PALM2AKAP2: variants seen among roughly 807,000 people sequenced by gnomAD.
PALM2AKAP2 encodes PALM2-AKAP2 fusion protein.
PALM2AKAP2 carries 37 observed loss-of-function variants against 71.5 expected under a neutral mutation model. The observed-to-expected ratio is 0.52, with a 90% CI of 0.40 to 0.68. The LOEUF is 0.68. PALM2AKAP2 is among the 30% of genes least tolerant of loss of function. The pLI is 0.00. For synonymous variants in PALM2AKAP2, 468 were observed against 478.8 expected, an observed-to-expected ratio of 0.98 and a Z score of 0.29; for missense variants, 1,224 against 1,191.8, an observed-to-expected ratio of 1.03 and a Z score of -0.40.
chr9:109,841,082 A>G (rs1158270873), intron 1 of PALM2AKAP2, among the ~76,000 whole-genome samples: 1 of 152,142 alleles, frequency 6.6e-6, no homozygotes, highest in Non-Finnish European at 1.5e-5. Flanking sequence ...GTTTGTTGTG[A>G]CACTATTCAC....
chr9:110,072,708 C>G (rs1167139436), intron 1 of PALM2AKAP2, among the ~76,000 whole-genome samples: 1 of 152,170 alleles, frequency 6.6e-6, no homozygotes, highest in East Asian at 1.9e-4. Flanking sequence ...GAGCCACAAT[C>G]TGTCCTCATG....
At chr9:109,907,064 C>T (rs891516874) in intron 3 of PALM2AKAP2, among the ~76,000 whole-genome samples, 2 of 152,174 alleles carry the variant, frequency 1.3e-5, no homozygotes, top group African/African-American at 4.8e-5. Context: ...GTCTGAACAC[C>T]TCTATGCCTT....
intron 1 of PALM2AKAP2, among the ~76,000 whole-genome samples, chr9:109,815,996 G>A (rs1827842079): frequency 6.6e-6 from 1 of 152,152 alleles, no homozygotes; most frequent in Non-Finnish European, 1.5e-5. Flanking sequence ...GCCTTTTTAT[G>A]TACAAACAAA....
At chr9:109,894,324 G>A (rs1456053215) in intron 3 of PALM2AKAP2, among the ~76,000 whole-genome samples, 2 of 152,210 alleles carry the variant, frequency 1.3e-5, no homozygotes, top group Non-Finnish European at 2.9e-5. Context: ...GGGCAACAGA[G>A]CGAGACTCCA....
intron 3 of PALM2AKAP2, among the ~76,000 whole-genome samples, chr9:110,168,063 G>A (rs1836778812): frequency 6.6e-6 from 1 of 152,218 alleles, no homozygotes; most frequent in South Asian, 2.1e-4. Context: ...CAATTGGACA[G>A]CACTGATCTG....
chr9:110,092,549 T>C (rs1357082934), intron 1 of PALM2AKAP2, among the ~76,000 whole-genome samples: 4 of 152,210 alleles, frequency 2.6e-5, no homozygotes, highest in Non-Finnish European at 4.4e-5. Flanking sequence ...TTTTGCACTT[T>C]AGATTTTTTT....
At chr9:110,011,326 A>G (rs1430788693) in intron 6 of PALM2AKAP2, among the ~76,000 whole-genome samples, 1 of 151,888 alleles carries the variant, frequency 6.6e-6, no homozygotes, top group East Asian at 1.9e-4. Context: ...GTGTTTTTAT[A>G]ACTAATAATA....
rs867689443 is a variant in PALM2AKAP2 at position 110,006,577 on chromosome 9, G to A, written c.497-9377G>A. ...GGGGTCTCGCCATGTTGCCCAGGCT[G>A]GTCTTGAATTCCTGGGCTCAAGTAA... is the stretch of plus-strand genomic sequence containing the variant. On this transcript the variant is annotated intron_variant, in intron 6 of 9. Transcript: ENST00000302798. Among the ~76,000 whole-genome samples, 5 of 151,846 alleles carry A rather than the reference G, an allele frequency of 3.3e-5. No homozygotes were observed. In the Middle Eastern group the frequency reaches 0.014, roughly 413 times the overall value.
intron 1 of PALM2AKAP2, among the ~76,000 whole-genome samples, chr9:110,119,129 G>A (rs1297977772): frequency 6.6e-6 from 1 of 152,036 alleles, no homozygotes; most frequent in Non-Finnish European, 1.5e-5. Context: ...CAAATCATGA[G>A]GTCAAGAGAT....
chr9:109,683,942 G>T (rs1199182693), intron 1 of PALM2AKAP2, among the ~76,000 whole-genome samples: 1 of 152,000 alleles, frequency 6.6e-6, no homozygotes, highest in Non-Finnish European at 1.5e-5. Context: ...AAAAAAATGA[G>T]ATAATGAGAT....
chr9:109,844,423 T>A (rs942942917), intron 1 of PALM2AKAP2, among the ~76,000 whole-genome samples: 2 of 152,094 alleles, frequency 1.3e-5, no homozygotes, highest in Non-Finnish European at 2.9e-5. Flanking sequence ...GAAAGAACAC[T>A]TGTGGGGGAA....
chr9:109,929,172 T>TG (rs1831030491), intron 5 of PALM2AKAP2, among the ~76,000 whole-genome samples: 1 of 148,210 alleles, frequency 6.7e-6, no homozygotes, highest in African/African-American at 2.5e-5. Context: ...GTAAGTAGTT[T>TG]TTTTTTTTTT....
At chr9:109,743,959 T>C (rs1386460187) in intron 1 of PALM2AKAP2, among the ~76,000 whole-genome samples, 2 of 152,218 alleles carry the variant, frequency 1.3e-5, no homozygotes. Flanking sequence ...ATCTATGTTC[T>C]ATTTGGCCTT....
At chr9:109,727,607 G>T (rs1348049562) in intron 1 of PALM2AKAP2, among the ~76,000 whole-genome samples, 3 of 152,162 alleles carry the variant, frequency 2.0e-5, no homozygotes, top group Non-Finnish European at 4.4e-5. Context: ...CTTTTTTCAG[G>T]ATTTGATGGG....
chr9:110,057,013 C>T (rs1277587903), intron 1 of PALM2AKAP2, among the ~76,000 whole-genome samples: 2 of 152,148 alleles, frequency 1.3e-5, no homozygotes, highest in Non-Finnish European at 2.9e-5. Flanking sequence ...GTTTTACCTT[C>T]TAGGGAATTC....
intron 6 of PALM2AKAP2, among the ~76,000 whole-genome samples, chr9:109,958,696 G>A (rs1449749218): frequency 6.6e-6 from 1 of 151,896 alleles, no homozygotes; most frequent in East Asian, 1.9e-4. Flanking sequence ...AGGAGAGGAA[G>A]GAGAGGAAGG....
chr9:109,766,840 G>A (rs1436185244), intron 1 of PALM2AKAP2, among the ~76,000 whole-genome samples: 1 of 152,156 alleles, frequency 6.6e-6, no homozygotes, highest in African/African-American at 2.4e-5. Context: ...GAGGCACAGA[G>A]AGGTTAAGTA....
At chr9:110,024,947 G>A in intron 7 of PALM2AKAP2, 1 of 1,392,918 alleles carries the variant, frequency 7.2e-7, no homozygotes, top group Non-Finnish European at 1.0e-6. Context: ...TTCTCACAAA[G>A]TGTGCTTCTC....
chr9:109,916,812 G>C (rs756626555), intron 3 of PALM2AKAP2, among the ~76,000 whole-genome samples: 1 of 152,206 alleles, frequency 6.6e-6, no homozygotes, highest in African/African-American at 2.4e-5. Context: ...CCCAGGCAAT[G>C]TCTCTCTTTC....
Sources: allele counts gnomAD v4.1 joint callset (sites outside exome capture counted in the v4.1 genomes callset), GRCh38; gene constraint gnomAD v4.1.1; transcripts MANE v1.5; gene names NCBI Gene and HGNC (gene_info 2026-07-23, HGNC 2026-07-21).